The following ZNF420 variants were observed in gnomAD, a reference collection of about 807,000 sequenced individuals.
ZNF420 encodes the protein ATM and p53-associated KZNF protein.
Under a neutral mutation model 44.7 loss-of-function variants are expected in ZNF420, and 31 were observed. The ratio of observed to expected loss-of-function variants is 0.69; its 90% CI spans 0.52 to 0.94. The LOEUF (loss-of-function observed/expected upper bound fraction) is 0.94, where lower values mean the gene tolerates loss of function less well. ZNF420 is among the 40% of genes least tolerant of loss of function. The pLI is 0.00. For synonymous variants in ZNF420, 245 were observed against 267.4 expected (o/e 0.92, Z 0.82); for missense variants, 681 against 827.9 (o/e 0.82, Z 2.18).
intron 1 of ZNF420, among the ~76,000 whole-genome samples, chr19:37,019,771 A>AC (rs2074632927): frequency 6.6e-6 from 1 of 150,674 alleles, no homozygotes; most frequent in South Asian, 2.1e-4. Context: ...ATCTGTCACA[A>AC]AAAAAAAAAA....
chr19:37,080,178 G>A (rs1033578687), intron 1 of ZNF420, among the ~76,000 whole-genome samples, 167 bp from the exon 2 acceptor site: 3 of 152,080 alleles, frequency 2.0e-5, no homozygotes, highest in Non-Finnish European at 4.4e-5. Flanking sequence ...GCTGTGACCT[G>A]GCCCTTCTTT....
chr19:37,053,478 C>G (rs924232170), intron 1 of ZNF420, among the ~76,000 whole-genome samples: 17 of 152,136 alleles, frequency 1.1e-4, no homozygotes, highest in African/African-American at 3.9e-4. Context: ...GTTTTTTCCC[C>G]ATCTTTGTGG....
intron 1 of ZNF420, among the ~76,000 whole-genome samples, chr19:37,026,440 T>C (rs7258982): frequency 0.36 from 54,903 of 151,158 alleles, 10,296 homozygotes; most frequent in African/African-American, 0.45. Context: ...CTGCCTTAAC[T>C]TCCCAAGTAG....
chr19:37,093,325 C>T (rs1457487921), intron 4 of ZNF420, among the ~76,000 whole-genome samples: 1 of 152,122 alleles, frequency 6.6e-6, no homozygotes, highest in Non-Finnish European at 1.5e-5. Flanking sequence ...TGGGCTCAAG[C>T]GATTCTCCTT....
At chr19:37,013,617 C>T (rs1445319951) in intron 1 of ZNF420, among the ~76,000 whole-genome samples, 1 of 152,178 alleles carries the variant, frequency 6.6e-6, no homozygotes, top group Non-Finnish European at 1.5e-5. Context: ...ATTTTGGATC[C>T]CACCCATTGA....
chr19:37,110,528 AAATGGG>A (rs770322906), intron 4 of ZNF420, among the ~76,000 whole-genome samples: 14 of 152,232 alleles, frequency 9.2e-5, no homozygotes, highest in Admixed American at 2.0e-4. Flanking sequence ...GAGTAATATA[AAATGGG>A]AAATTTCTTT....
chr19:37,116,273 G>A (rs1970675159), intron 4 of ZNF420, among the ~76,000 whole-genome samples: 1 of 149,774 alleles, frequency 6.7e-6, no homozygotes, highest in Non-Finnish European at 1.5e-5. Flanking sequence ...TGGAGCTGAG[G>A]CAAGAGAATT....
At chr19:37,067,200 T>G (rs892587545) in intron 1 of ZNF420, among the ~76,000 whole-genome samples, 1 of 152,212 alleles carries the variant, frequency 6.6e-6, no homozygotes, top group African/African-American at 2.4e-5. Flanking sequence ...GATGGTATTT[T>G]TCTTCACTTT....
Position 37,052,011 on chromosome 19 carries a change from C to G in ZNF420, c.-124-28334C>G, listed in dbSNP as rs1177752769. 2.6e-4 allele frequency among the ~76,000 whole-genome samples: 40 copies of G among 152,218 alleles called. No homozygotes were observed. In the Middle Eastern group the frequency reaches 0.017, roughly 65 times the overall value. On this transcript the variant is annotated intron_variant, in intron 1 of 4. Coordinates refer to the ZNF420 transcript ENST00000587029. ...TGTGGGAGTCTAAGTCTCTTTCTAG[C>G]TCTCTAAGGACTTGCTTTATGAATC...
At chr19:37,069,879 A>T (rs1385331413) in intron 1 of ZNF420, among the ~76,000 whole-genome samples, 3 of 152,120 alleles carry the variant, frequency 2.0e-5, no homozygotes, top group Non-Finnish European at 4.4e-5. Context: ...TCCAGCTTAA[A>T]AATGTGAGAA....
intron 1 of ZNF420, among the ~76,000 whole-genome samples, chr19:37,024,592 G>A (rs1014755364): frequency 6.6e-6 from 1 of 152,040 alleles, no homozygotes; most frequent in African/African-American, 2.4e-5. Flanking sequence ...TGGGATTAAA[G>A]GTGCCGTCAC....
intron 1 of ZNF420, among the ~76,000 whole-genome samples, chr19:37,010,886 C>A (rs1464516836): frequency 6.6e-6 from 1 of 152,152 alleles, no homozygotes; most frequent in African/African-American, 2.4e-5. Context: ...AGGAGGGGAG[C>A]AGACAAACGT....
intron 1 of ZNF420, among the ~76,000 whole-genome samples, chr19:37,072,267 G>C (rs1411201812): frequency 6.6e-6 from 1 of 152,190 alleles, no homozygotes; most frequent in Admixed American, 6.5e-5. Flanking sequence ...GACTCTGGCT[G>C]TGGAATTAAG....
chr19:37,076,007 CT>C (rs34249150), upstream of ZNF420, among the ~76,000 whole-genome samples: 79,828 of 151,802 alleles, frequency 0.53, 21,761 homozygotes, highest in African/African-American at 0.64. Context: ...TGGTCTTAAC[CT>C]TTTTTAGCTT....
chr19:37,098,463 A>G (rs1282974312), intron 4 of ZNF420, among the ~76,000 whole-genome samples: 2 of 152,118 alleles, frequency 1.3e-5, no homozygotes, highest in Admixed American at 6.5e-5. Context: ...TTATATCTTC[A>G]TGGGTTATTT....
intron 4 of ZNF420, among the ~76,000 whole-genome samples, chr19:37,125,117 C>T (rs1010407815): frequency 2.0e-5 from 3 of 152,206 alleles, no homozygotes; most frequent in Non-Finnish European, 4.4e-5. Context: ...GGATTACAGG[C>T]ATGAGCCACT....
At chr19:37,060,676 G>T (rs1967860788) in intron 1 of ZNF420, among the ~76,000 whole-genome samples, 1 of 151,976 alleles carries the variant, frequency 6.6e-6, no homozygotes, top group Non-Finnish European at 1.5e-5. Context: ...AGACAGGGAA[G>T]CTACCTTGGT....
At chr19:37,021,363 G>A (rs1198782957) in intron 1 of ZNF420, among the ~76,000 whole-genome samples, 1 of 152,140 alleles carries the variant, frequency 6.6e-6, no homozygotes, top group Admixed American at 6.6e-5. Context: ...TGCCTCCTGG[G>A]CTCAAGTGAT....
At chr19:37,104,357 T>C in intron 4 of ZNF420, among the ~76,000 whole-genome samples, 1 of 152,188 alleles carries the variant, frequency 6.6e-6, no homozygotes, top group Non-Finnish European at 1.5e-5. Flanking sequence ...GGTGTATATA[T>C]GCCACATTTT....
Sources: allele counts gnomAD v4.1 joint callset (sites outside exome capture counted in the v4.1 genomes callset), GRCh38; gene constraint gnomAD v4.1.1; transcripts MANE v1.5; gene names NCBI Gene and HGNC (gene_info 2026-07-23, HGNC 2026-07-21).